ARHGEF28: variants seen among roughly 807,000 people sequenced by gnomAD.
The protein encoded by ARHGEF28 is 190 kDa guanine nucleotide exchange factor.
ARHGEF28 carries 152 observed loss-of-function variants against 206.6 expected under a neutral mutation model. The observed-to-expected ratio is 0.74, with a 90% CI of 0.64 to 0.84. The LOEUF (loss-of-function observed/expected upper bound fraction) is 0.84, where lower values mean the gene tolerates loss of function less well. ARHGEF28 is among the 40% of genes least tolerant of loss of function. The pLI, the probability that ARHGEF28 is intolerant of heterozygous loss-of-function variation, is 0.00. For synonymous variants in ARHGEF28, 763 were observed against 776.4 expected (o/e 0.98, Z 0.29); for missense variants, 2,028 against 2,073.2 (o/e 0.98, Z 0.42).
At chr5:73,879,689 A>G (rs986734453) in intron 22 of ARHGEF28, among the ~76,000 whole-genome samples, 1 of 152,162 alleles carries the variant, frequency 6.6e-6, no homozygotes, top group African/African-American at 2.4e-5. Context: ...CTAGAGGTCC[A>G]CTCCAGACCC....
At chr5:73,910,132 G>C (rs921544753) in intron 34 of ARHGEF28, among the ~76,000 whole-genome samples, 1 of 152,062 alleles carries the variant, frequency 6.6e-6, no homozygotes, top group Non-Finnish European at 1.5e-5. Context: ...TGTAATCCCA[G>C]AACTTTGGGA....
chr5:73,870,593 T>A (rs1025529876), intron 21 of ARHGEF28, among the ~76,000 whole-genome samples: 1 of 152,224 alleles, frequency 6.6e-6, no homozygotes, highest in Non-Finnish European at 1.5e-5. Context: ...AACCTTCACA[T>A]ATTTTAATGT....
At chr5:73,662,178 T>C (rs1745649653) in intron 1 of ARHGEF28, among the ~76,000 whole-genome samples, 1 of 152,184 alleles carries the variant, frequency 6.6e-6, no homozygotes, top group Non-Finnish European at 1.5e-5. Context: ...CTGCTTTCAT[T>C]TGGCGTTTAC....
At chr5:73,831,840 C>T (rs538293576) in intron 9 of ARHGEF28, among the ~76,000 whole-genome samples, 38 of 152,186 alleles carry the variant, frequency 2.5e-4, no homozygotes, top group Middle Eastern at 3.4e-3. Flanking sequence ...TACAGGCATG[C>T]GCCGCCATGC....
chr5:73,653,964 G>A (rs780622738), intron 1 of ARHGEF28, among the ~76,000 whole-genome samples: 4 of 152,204 alleles, frequency 2.6e-5, no homozygotes, highest in Non-Finnish European at 5.9e-5. Context: ...TGAAAGAAAG[G>A]GGCCTCAGTC....
chr5:73,796,819 T>C (rs1460608261), intron 9 of ARHGEF28, among the ~76,000 whole-genome samples: 1 of 152,176 alleles, frequency 6.6e-6, no homozygotes, highest in East Asian at 1.9e-4. Flanking sequence ...TAGATGGCTG[T>C]TGTGGGCCAC....
At chr5:73,801,646 C>T (rs994499488) in intron 9 of ARHGEF28, among the ~76,000 whole-genome samples, 1 of 151,982 alleles carries the variant, frequency 6.6e-6, no homozygotes, top group African/African-American at 2.4e-5. Flanking sequence ...CTGAAAAATA[C>T]GTTTTCAATC....
At chr5:73,868,787 C>G (rs1027230715) in intron 20 of ARHGEF28, among the ~76,000 whole-genome samples, 1 of 152,086 alleles carries the variant, frequency 6.6e-6, no homozygotes, top group African/African-American at 2.4e-5. Context: ...GCTAGGAGTA[C>G]AGGTGCGCAT....
rs375173179 is a variant in ARHGEF28 at position 73,658,430 on chromosome 5, A to G, written c.-11-26411A>G. Among the ~76,000 whole-genome samples the G allele has an allele frequency of 7.1e-4, 108 of 152,360 alleles. 1 individual carries two copies. Among genetic ancestry groups the G allele is most frequent in the African/African-American group, 2.4e-3 (100 of 41,590 alleles). ...TGAACACACCAGAGAAGAAGGGACT[A>G]TTGTAGGCACACAGTCCCTCAGCTA... On this transcript the variant is annotated intron_variant, in intron 1 of 35. Coordinates refer to ENST00000513042, the MANE Select transcript of ARHGEF28 (RefSeq NM_001177693.2).
rs572693671 is a variant in ARHGEF28 at position 73,806,605 on chromosome 5, CATCT to C, written c.1024+11221_1024+11224del. 5.0e-3 allele frequency among the ~76,000 whole-genome samples: 667 copies of C among 134,286 alleles called. 43 individuals carry two copies. The highest frequency in any genetic ancestry group is 0.017 in the African/African-American group (612 of 35,482). The allele number at this position is 134,286 out of a possible 152,430, so 88.1% of individuals were successfully genotyped here. ...ATAGTATATATCTATATATACTACA[CATCT>C]ATCTATATATAGTATATATCTATAT... On this transcript the variant is annotated intron_variant, in intron 9 of 35. Transcript: ENST00000513042.
At chr5:73,728,087 T>C (rs1265736417) in intron 2 of ARHGEF28, among the ~76,000 whole-genome samples, 1 of 152,212 alleles carries the variant, frequency 6.6e-6, no homozygotes, top group Non-Finnish European at 1.5e-5. Flanking sequence ...GTCTTGTTAG[T>C]GTTGGTCCTG....
chr5:73,827,376 AT>A (rs557573767), intron 9 of ARHGEF28, among the ~76,000 whole-genome samples: 51 of 152,346 alleles, frequency 3.3e-4, no homozygotes, highest in African/African-American at 1.1e-3. Context: ...AACTAAAATT[AT>A]GCAACCTCAT....
intron 1 of ARHGEF28, among the ~76,000 whole-genome samples, chr5:73,662,300 C>T (rs926410762): frequency 6.6e-6 from 1 of 152,070 alleles, no homozygotes; most frequent in African/African-American, 2.4e-5. Context: ...TATGGGAGAG[C>T]CATAGGAAAT....
In ARHGEF28 at chr5:73,786,795, A is replaced by G. The variant is rs923631166; in HGVS notation, c.910+6050A>G. ...AGTGGATGTTTACTGAATGATGTCT[A>G]ATCATGAGTGCAAGTTATATAACAC... is the stretch of plus-strand genomic sequence containing the variant. On this transcript the variant is annotated intron_variant, in intron 7 of 35. Coordinates refer to ENST00000513042, the MANE Select transcript of ARHGEF28 (RefSeq NM_001177693.2). 3.9e-5 allele frequency among the ~76,000 whole-genome samples: 6 copies of G among 152,348 alleles called. No homozygotes were observed. In the South Asian group the frequency reaches 1.2e-3, roughly 32 times the overall value.
At chr5:73,911,632 A>G in intron 35 of ARHGEF28, 57 bp downstream of exon 35, 3 of 1,489,802 alleles carry the variant, frequency 2.0e-6, no homozygotes, top group Non-Finnish European at 2.7e-6. Context: ...GTCCCTCTGA[A>G]TGGTTGGCTC....
At position 73,909,396 on chromosome 5, in the gene ARHGEF28, C is replaced by T; in HGVS notation, c.4162-16C>T. ...AACCTTGTGTTCAGTGATTTTTCCT[C>T]TGTCTGCTCTGACAGGCCGCCTTGA... On this transcript the variant is annotated splice_polypyrimidine_tract_variant and intron_variant, in intron 33 of 35. Coordinates refer to ENST00000513042, the MANE Select transcript of ARHGEF28 (RefSeq NM_001177693.2). The T allele has an allele frequency of 6.3e-7, 1 of 1,575,324 alleles. No individual in the cohort carries two copies. The highest frequency in any genetic ancestry group is 8.6e-7 in the Non-Finnish European group (1 of 1,156,602).
At chr5:73,861,099 G>A (rs1413690561) in intron 16 of ARHGEF28, among the ~76,000 whole-genome samples, 1 of 152,124 alleles carries the variant, frequency 6.6e-6, no homozygotes, top group Non-Finnish European at 1.5e-5. Context: ...GTCTCCTTGA[G>A]TTTTAACTAT....
At chr5:73,940,209 CACAGTGTCCTG>C (rs1382066583) in intron 35 of ARHGEF28, among the ~76,000 whole-genome samples, 1 of 152,196 alleles carries the variant, frequency 6.6e-6, no homozygotes, top group Non-Finnish European at 1.5e-5. Flanking sequence ...AGGGAGAATA[CACAGTGTCCTG>C]CTGTTGCTAG....
chr5:73,702,874 A>C (rs902607865), intron 2 of ARHGEF28, among the ~76,000 whole-genome samples: 2 of 152,156 alleles, frequency 1.3e-5, no homozygotes, highest in Non-Finnish European at 2.9e-5. Flanking sequence ...CCTCAGAGTG[A>C]GATTAAAGTT....
Sources: allele counts gnomAD v4.1 joint callset (sites outside exome capture counted in the v4.1 genomes callset), GRCh38; gene constraint gnomAD v4.1.1; transcripts MANE v1.5; gene names NCBI Gene and HGNC (gene_info 2026-07-23, HGNC 2026-07-21).